LIMD1: variants seen among roughly 807,000 people sequenced by gnomAD.
LIMD1 encodes the protein LIM domain-containing protein 1.
A neutral mutation model predicts 58.4 loss-of-function variants in LIMD1; 23 were observed. The ratio of observed to expected loss-of-function variants is 0.39; its 90% CI spans 0.28 to 0.56. The LOEUF (loss-of-function observed/expected upper bound fraction) is 0.56, where lower values mean the gene tolerates loss of function less well. Ranked by LOEUF, LIMD1 falls within the 20% of genes least tolerant of loss-of-function variation. LIMD1 has a pLI of 0.57. For missense variants in LIMD1, 838 were observed against 855.5 expected, an observed-to-expected ratio of 0.98 and a Z score of 0.25; for synonymous variants, 334 against 345.5, an observed-to-expected ratio of 0.97 and a Z score of 0.37.
intron 2 of LIMD1, among the ~76,000 whole-genome samples, chr3:45,657,013 C>T (rs1451657756): frequency 6.6e-6 from 1 of 152,090 alleles, no homozygotes; most frequent in Non-Finnish European, 1.5e-5. Flanking sequence ...GATTCTGGAT[C>T]CTGCTCTTGA....
At chr3:45,660,808 A>C (rs919941305) in intron 2 of LIMD1, among the ~76,000 whole-genome samples, 18 of 152,170 alleles carry the variant, frequency 1.2e-4, no homozygotes, top group East Asian at 7.7e-4. Context: ...CCGACGTGGG[A>C]AAAGTATGGG....
chr3:45,641,048 G>A (rs1037797634), intron 2 of LIMD1, among the ~76,000 whole-genome samples: 5 of 152,296 alleles, frequency 3.3e-5, no homozygotes, highest in African/African-American at 1.2e-4. Flanking sequence ...AGCAGAAGGA[G>A]GCACCCGGGA....
intron 1 of LIMD1, among the ~76,000 whole-genome samples, chr3:45,602,710 C>T (rs1575341800): frequency 7.6e-6 from 1 of 132,382 alleles, no homozygotes; most frequent in South Asian, 3.0e-4. Context: ...ATGTGGATGT[C>T]CTATCTATGT....
intron 6 of LIMD1, chr3:45,674,024 T>G (rs748072306): frequency 7.5e-5 from 24 of 319,664 alleles, no homozygotes; most frequent in Non-Finnish European, 1.1e-4. Flanking sequence ...ACTCCCTTAC[T>G]TGATACTAAT....
Position 45,677,168 on chromosome 3 carries a change from A to T in LIMD1, c.*109A>T. On this transcript the variant is annotated 3_prime_UTR_variant, in exon 8 of 8. Coordinates refer to ENST00000273317, the MANE Select transcript of LIMD1 (RefSeq NM_014240.3). Reference sequence around the variant, plus strand: ...GGGGTAGGGGAAGAGGAGGGGCAGGAGGGAGAGTTCCTGTGAGCATGTGGG... The same window carrying T: ...GGGGTAGGGGAAGAGGAGGGGCAGGTGGGAGAGTTCCTGTGAGCATGTGGG... The T allele has an allele frequency of 7.8e-7, 1 of 1,287,370 alleles. No homozygotes were observed. The highest frequency in any genetic ancestry group is 1.1e-6 in the Non-Finnish European group (1 of 918,808). The allele number at this position is 1,287,370 out of a possible 1,614,324, so 79.7% of individuals were successfully genotyped here.
At chr3:45,598,598 A>G (rs1357724988) in intron 1 of LIMD1, among the ~76,000 whole-genome samples, 2 of 152,208 alleles carry the variant, frequency 1.3e-5, no homozygotes, top group Non-Finnish European at 2.9e-5. Context: ...GCCTCCCTGG[A>G]GCAGACAATG....
chr3:45,600,465 G>GA (rs889502435), intron 1 of LIMD1, among the ~76,000 whole-genome samples: 3 of 151,840 alleles, frequency 2.0e-5, no homozygotes, highest in East Asian at 1.9e-4. Context: ...AGTAAAATAG[G>GA]ATCCTACAGA....
At chr3:45,654,695 A>G (rs1362496995) in intron 2 of LIMD1, among the ~76,000 whole-genome samples, 6 of 150,922 alleles carry the variant, frequency 4.0e-5, no homozygotes. Context: ...TTAGCCAGTC[A>G]TGGTGGCATC....
rs1697692886 is a variant in LIMD1, at chr3:45,677,923, C to A, written c.*864C>A. The A allele has an allele frequency of 6.6e-6, 1 of 152,106 alleles. No homozygotes were observed. Among genetic ancestry groups the A allele is most frequent in the South Asian group, 2.1e-4 (1 of 4,822 alleles). The allele number at this position is 152,106 out of a possible 1,614,324, so 9.4% of individuals were successfully genotyped here. Reference sequence around the variant, plus strand: ...CTTCTGCAAGGCAAGTCTCAGGAACCCATGCAGGTACATCGCTTGCACCTG... The same window carrying A: ...CTTCTGCAAGGCAAGTCTCAGGAACACATGCAGGTACATCGCTTGCACCTG... On this transcript the variant is annotated 3_prime_UTR_variant, in exon 8 of 8. Transcript: ENST00000273317.
chr3:45,635,429 T>A lies in LIMD1; in HGVS notation c.1409-721T>A, dbSNP rs537530803. 2.3e-4 allele frequency among the ~76,000 whole-genome samples: 35 copies of A among 152,178 alleles called. No individual in the cohort carries two copies. The South Asian group carries it at 7.3e-3, about 32-fold the overall frequency. ...AGGGGCCCATCAGCAAAGGCTGGGC[T>A]AAGACCCTGTGGGACTTGTTAGGGG... On this transcript the variant is annotated intron_variant, in intron 1 of 7. Transcript: ENST00000273317.
chr3:45,617,296 C>T (rs1701585244), intron 1 of LIMD1, among the ~76,000 whole-genome samples: 1 of 152,070 alleles, frequency 6.6e-6, no homozygotes, highest in Non-Finnish European at 1.5e-5. Context: ...ATCTACTCAC[C>T]TCGGCCTCCC....
Position 45,653,692 on chromosome 3 carries a change from C to T in LIMD1, c.1511-11958C>T, listed in dbSNP as rs371069643. ...TGGGAGGCTGAGGTAGCCAGATCAC[C>T]TGAGGTCAGGAATTCAAGACCAACC... On this transcript the variant is annotated intron_variant, in intron 2 of 7. Coordinates refer to ENST00000273317, the MANE Select transcript of LIMD1 (RefSeq NM_014240.3). 2.0e-5 allele frequency among the ~76,000 whole-genome samples: 3 copies of T among 152,074 alleles called. No individual in the cohort carries two copies. In the East Asian group the frequency reaches 5.8e-4, roughly 29 times the overall value.
chr3:45,654,067 A>G (rs548454311), intron 2 of LIMD1, among the ~76,000 whole-genome samples: 1 of 152,324 alleles, frequency 6.6e-6, no homozygotes, highest in South Asian at 2.1e-4. Context: ...ATACTTGTTC[A>G]AGCCCTGGCG....
intron 1 of LIMD1, chr3:45,632,559 A>C: frequency 7.1e-6 from 7 of 985,104 alleles, no homozygotes; most frequent in African/African-American, 1.7e-5. Context: ...GGTGCCAGGT[A>C]AGGAAGAAAG....
chr3:45,668,733 A>G (rs1363216250), intron 4 of LIMD1, among the ~76,000 whole-genome samples: 2 of 143,656 alleles, frequency 1.4e-5, no homozygotes, highest in Non-Finnish European at 3.0e-5. Context: ...AGCCTGGGCA[A>G]CAGAGTGAGA....
At position 45,630,470 on chromosome 3, in the gene LIMD1, A is replaced by G. The variant is rs150581597; in HGVS notation, c.1409-5680A>G. On this transcript the variant is annotated intron_variant, in intron 1 of 7. Transcript: ENST00000273317. ...GGAACGATTGGTTTCCTGAAGGGCA[A>G]TCAGAAGGCACGCACCTGCAGGGCC... Among the ~76,000 whole-genome samples the G allele has an allele frequency of 1.8e-4, 28 of 152,308 alleles. 1 individual carries two copies. The East Asian group carries it at 4.3e-3, about 23-fold the overall frequency.
Position 45,674,275 on chromosome 3 carries a change from G to T in LIMD1, c.1825-68G>T. 4 of 1,198,916 alleles carry T rather than the reference G, an allele frequency of 3.3e-6. No homozygotes were observed. The South Asian group carries it at 5.0e-5, about 15-fold the overall frequency. 74.3% of individuals were successfully genotyped at this position (1,198,916 alleles called of 1,614,324 possible). On this transcript the variant is annotated intron_variant, in intron 6 of 7. Transcript: ENST00000273317. ...AAACCCTCTTCCCTCCCCACCCCAC[G>T]GTACATCAAGCCCGACAGCCCCCCT...
intron 1 of LIMD1, among the ~76,000 whole-genome samples, chr3:45,611,016 G>A (rs1264027359): frequency 1.3e-5 from 2 of 152,060 alleles, no homozygotes; most frequent in African/African-American, 4.8e-5. Context: ...AAAATCGCAC[G>A]TGGCTTGCAT....
rs1179458904 is a variant in LIMD1, at chr3:45,678,018, C to A, written c.*959C>A. On this transcript the variant is annotated 3_prime_UTR_variant, in exon 8 of 8. Coordinates refer to ENST00000273317, the MANE Select transcript of LIMD1 (RefSeq NM_014240.3). ...ATACTGAGAGACAGCTTCTTATAAA[C>A]AAGGAGAGTTTTTGTGTGTGCGAGA... 6.6e-6 allele frequency: 1 copy of A among 152,400 alleles called. No individual in the cohort carries two copies. The highest frequency in any genetic ancestry group is 2.4e-5 in the African/African-American group (1 of 41,428). 9.4% of individuals were successfully genotyped at this position (152,400 alleles called of 1,614,324 possible). A position where few individuals can be genotyped will look rare whatever the true frequency, so the allele number is the denominator to read the frequency against.
Sources: gnomAD v4.1 joint callset for allele counts (sites outside exome capture counted in the v4.1 genomes callset) on GRCh38, gnomAD v4.1.1 for gene constraint, MANE v1.5 for transcripts, NCBI Gene and HGNC (gene_info 2026-07-23, HGNC 2026-07-21) for gene names.